RAVER2: variants seen among roughly 807,000 people sequenced by gnomAD.
RAVER2 encodes the protein ribonucleoprotein, PTB binding 2.
RAVER2 carries 46 observed loss-of-function variants against 78.1 expected under a neutral mutation model. The observed-to-expected ratio is 0.59, with a 90% CI of 0.46 to 0.75. The LOEUF is 0.75. RAVER2 is among the 30% of genes least tolerant of loss of function. The pLI is 0.00. For missense variants in RAVER2, 793 were observed against 837.5 expected (o/e 0.95, Z 0.66); for synonymous variants, 311 against 313.3 (o/e 0.99, Z 0.08).
intron 2 of RAVER2, among the ~76,000 whole-genome samples, chr1:64,773,933 G>A (rs1652390763): frequency 6.6e-6 from 1 of 152,178 alleles, no homozygotes. Flanking sequence ...GATGACCAGT[G>A]ATGATGAGCA....
rs374428681 is a variant in RAVER2 at position 64,745,336 on chromosome 1, C to T, written c.164C>T (p.Ala55Val). Residue 55 changes from alanine (A) to valine (V), a missense_variant, in exon 1 of 12, where the codon GCC becomes GTC. Transcript: ENST00000294428. This position sits in a 1 kb window ranked among gnomAD's most constrained non-coding sequence, Gnocchi z 4.3. ...GCCGCGCTGCACCCTGAGGAGGTCG[C>T]CGCGCGACTGCAGCGGATGCAGCGG... The T allele has an allele frequency of 1.3e-6, 2 of 1,539,808 alleles. No individual in the cohort carries two copies. Among genetic ancestry groups the T allele is most frequent in the African/African-American group, 2.8e-5 (2 of 71,986 alleles).
chr1:64,822,209 A>G (rs1184403074), intron 11 of RAVER2, among the ~76,000 whole-genome samples: 1 of 152,146 alleles, frequency 6.6e-6, no homozygotes, highest in Non-Finnish European at 1.5e-5. Flanking sequence ...AATGGCGTGA[A>G]CCCGGGAGGC....
intron 1 of RAVER2, among the ~76,000 whole-genome samples, chr1:64,759,511 G>C (rs901040280): frequency 6.7e-5 from 10 of 149,678 alleles, no homozygotes; most frequent in African/African-American, 2.5e-4. Flanking sequence ...GAGCCACCGC[G>C]CCCGGCCTAT....
At chr1:64,781,418 A>C (rs766969783) in exon 4 of RAVER2, 26 of 1,612,492 alleles carry the variant, frequency 1.6e-5, no homozygotes, top group Non-Finnish European at 2.2e-5. Context: ...GTGGCTTTGC[A>C]GTGGTTGAAT....
chr1:64,753,786 T>C (rs538779285), intron 1 of RAVER2, among the ~76,000 whole-genome samples: 11 of 152,258 alleles, frequency 7.2e-5, no homozygotes, highest in Admixed American at 6.5e-4. Context: ...CCTCCCAAAG[T>C]GCTGGGATTA....
At chr1:64,793,601 T>A (rs1653004074) in intron 5 of RAVER2, among the ~76,000 whole-genome samples, 1 of 152,242 alleles carries the variant, frequency 6.6e-6, no homozygotes, top group Admixed American at 6.5e-5. Context: ...ACTGTAGGTA[T>A]TTGAAGTGTA....
At chr1:64,764,919 T>C (rs1005346797) in intron 1 of RAVER2, among the ~76,000 whole-genome samples, 4 of 152,362 alleles carry the variant, frequency 2.6e-5, no homozygotes, top group Admixed American at 2.6e-4. Context: ...ATTAACCACA[T>C]GTACAAAATA....
At chr1:64,772,546 C>A (rs569483590) in intron 2 of RAVER2, among the ~76,000 whole-genome samples, 1 of 151,818 alleles carries the variant, frequency 6.6e-6, no homozygotes, top group African/African-American at 2.4e-5. Context: ...TGCAATAATC[C>A]GAGCAATGTT....
intron 9 of RAVER2, among the ~76,000 whole-genome samples, 200 bp from the exon 10 acceptor site, chr1:64,812,538 A>G (rs941039131): frequency 2.6e-5 from 4 of 152,158 alleles, no homozygotes; most frequent in African/African-American, 7.2e-5. Flanking sequence ...TTTTAGTTCT[A>G]AAGTTCTATG....
intron 5 of RAVER2, among the ~76,000 whole-genome samples, chr1:64,795,985 C>T (rs974143024): frequency 4.6e-5 from 7 of 151,710 alleles, no homozygotes; most frequent in Non-Finnish European, 8.8e-5. Flanking sequence ...TTTCTAATTG[C>T]CGAATTTTAG....
At chr1:64,769,038 T>C (rs1024755704) in intron 2 of RAVER2, among the ~76,000 whole-genome samples, 1 of 152,064 alleles carries the variant, frequency 6.6e-6, no homozygotes, top group African/African-American at 2.4e-5. Context: ...ATAGACTGTA[T>C]GACTTGACCT....
chr1:64,796,059 C>T (rs1653086939), intron 5 of RAVER2, among the ~76,000 whole-genome samples: 1 of 151,848 alleles, frequency 6.6e-6, no homozygotes, highest in South Asian at 2.1e-4. Context: ...ATATATTTTT[C>T]CTATCTGTTA....
intron 4 of RAVER2, among the ~76,000 whole-genome samples, chr1:64,787,350 G>T (rs546801820): frequency 1.2e-3 from 187 of 152,214 alleles, no homozygotes; most frequent in Admixed American, 3.4e-3. Context: ...GAAGGGGATG[G>T]GCAGAGGGAA....
In RAVER2 at chr1:64,812,734, A is replaced by G. The variant is rs766026753; in HGVS notation, c.1681-4A>G. 3 of 1,605,306 alleles carry G rather than the reference A, an allele frequency of 1.9e-6. No individual in the cohort carries two copies. Among genetic ancestry groups the G allele is most frequent in the Non-Finnish European group, 2.6e-6 (3 of 1,175,448 alleles). On this transcript the variant is annotated splice_region_variant and splice_polypyrimidine_tract_variant and intron_variant, in intron 9 of 11. Coordinates refer to ENST00000294428, the Ensembl canonical transcript of RAVER2. The stretch of plus-strand genomic sequence containing the variant: ...GTACTCCCTCCTTTGTTTTTGTTAA[A>G]TAGGCTGCCTCTAAGAATCAAACTT...
At chr1:64,802,430 G>C (rs1272585506) in intron 5 of RAVER2, among the ~76,000 whole-genome samples, 1 of 151,944 alleles carries the variant, frequency 6.6e-6, no homozygotes, top group African/African-American at 2.4e-5. Context: ...ATGTACTCTG[G>C]TATTTAGACT....
At chr1:64,809,489 A>AAAATAAAT (rs10691863) in intron 9 of RAVER2, among the ~76,000 whole-genome samples, 17,801 of 147,356 alleles carry the variant, frequency 0.12, 1,156 homozygotes, top group East Asian at 0.28. Context: ...CTCTAGTGCA[A>AAAATAAAT]AAATAAATAA....
At chr1:64,801,081 T>G (rs1428271287) in intron 5 of RAVER2, among the ~76,000 whole-genome samples, 1 of 149,352 alleles carries the variant, frequency 6.7e-6, no homozygotes, top group Non-Finnish European at 1.5e-5. Context: ...ATTTTATATA[T>G]ATATATATAA....
At chr1:64,801,341 C>T (rs1570568439) in intron 5 of RAVER2, among the ~76,000 whole-genome samples, 9 of 151,364 alleles carry the variant, frequency 5.9e-5, no homozygotes, top group East Asian at 3.9e-4. Flanking sequence ...TCAAACAATC[C>T]GCCCACCTTG....
At chr1:64,821,742 C>T (rs989077596) in intron 11 of RAVER2, among the ~76,000 whole-genome samples, 2 of 152,166 alleles carry the variant, frequency 1.3e-5, no homozygotes, top group Admixed American at 1.3e-4. Flanking sequence ...CAGACCTCTT[C>T]CTTACACCAT....
Sources: gnomAD v4.1 joint callset for allele counts (sites outside exome capture counted in the v4.1 genomes callset) on GRCh38, gnomAD v4.1.1 for gene constraint, Gnocchi (gnomAD v3.1) non-coding constraint, MANE v1.5 for transcripts, NCBI Gene and HGNC (gene_info 2026-07-23, HGNC 2026-07-21) for gene names.